Variants in CALN1 observed in about 807,000 individuals in gnomAD.
The protein encoded by CALN1 is calcium-binding protein 8.
A neutral mutation model predicts 30.6 loss-of-function variants in CALN1; 17 were observed. The observed-to-expected ratio is 0.56, with a 90% confidence interval of 0.38 to 0.83. The LOEUF is 0.83. CALN1 is among the 40% of genes least tolerant of loss of function. CALN1 has a pLI of 0.00. For missense variants in CALN1, 291 were observed against 354.9 expected (o/e 0.82, Z 1.45); for synonymous variants, 156 against 131.4 (o/e 1.19, Z -1.28).
intron 3 of CALN1, among the ~76,000 whole-genome samples, chr7:72,208,026 G>A (rs1242761443): frequency 6.6e-6 from 1 of 152,162 alleles, no homozygotes; most frequent in Non-Finnish European, 1.5e-5. Context: ...AGAAGATCAT[G>A]ACAGTTGCCT....
intron 5 of CALN1, among the ~76,000 whole-genome samples, chr7:71,884,473 G>A (rs996830497): frequency 6.6e-6 from 1 of 151,694 alleles, no homozygotes; most frequent in Non-Finnish European, 1.5e-5. Context: ...CCTGAGGCTG[G>A]GGGCGATGAT....
chr7:71,925,918 A>G (rs1795247006), intron 5 of CALN1, among the ~76,000 whole-genome samples: 1 of 152,072 alleles, frequency 6.6e-6, no homozygotes, highest in African/African-American at 2.4e-5. Flanking sequence ...CAGTGGCGCA[A>G]TCTCAGCTAA....
chr7:71,927,269 G>C (rs1795317899), intron 5 of CALN1, among the ~76,000 whole-genome samples: 3 of 152,126 alleles, frequency 2.0e-5, no homozygotes, highest in Non-Finnish European at 4.4e-5. Flanking sequence ...GAGTGCAGTG[G>C]TGCAATCTCA....
intron 4 of CALN1, among the ~76,000 whole-genome samples, chr7:72,029,943 A>T (rs975441805): frequency 6.6e-6 from 1 of 152,234 alleles, no homozygotes; most frequent in Non-Finnish European, 1.5e-5. Context: ...GTGGACTTTG[A>T]AATGGTGTCC....
At chr7:71,842,058 G>A (rs1317315314) in intron 5 of CALN1, among the ~76,000 whole-genome samples, 8 of 151,878 alleles carry the variant, frequency 5.3e-5, no homozygotes, top group African/African-American at 1.5e-4. Flanking sequence ...TCAAGGGTCC[G>A]TGCCAGTTTG....
At chr7:72,291,583 A>T (rs1267046209) in intron 2 of CALN1, among the ~76,000 whole-genome samples, 2 of 152,350 alleles carry the variant, frequency 1.3e-5, no homozygotes, top group Middle Eastern at 3.4e-3. Flanking sequence ...TTGTCACTGT[A>T]GCCTTTCTCT....
At chr7:72,366,996 T>C (rs1241513363) in intron 2 of CALN1, among the ~76,000 whole-genome samples, 4 of 151,970 alleles carry the variant, frequency 2.6e-5, no homozygotes, top group East Asian at 3.9e-4. Context: ...ACCACAACAA[T>C]AGTGAATAAA....
intron 5 of CALN1, among the ~76,000 whole-genome samples, chr7:72,016,703 C>T (rs1045112261): frequency 6.6e-6 from 1 of 151,886 alleles, no homozygotes; most frequent in Admixed American, 6.6e-5. Context: ...AGGTATGAGC[C>T]ACTGTGCCAG....
chr7:72,418,113 C>T (rs924027923), intron 1 of CALN1, among the ~76,000 whole-genome samples: 9 of 152,166 alleles, frequency 5.9e-5, no homozygotes, highest in Non-Finnish European at 1.3e-4. Flanking sequence ...CTTTGCCCCC[C>T]TCCCCCTCTT....
intron 3 of CALN1, among the ~76,000 whole-genome samples, chr7:72,213,902 C>G (rs1189906721): frequency 2.6e-5 from 4 of 152,160 alleles, no homozygotes; most frequent in African/African-American, 9.7e-5. Context: ...AAGTGAGAGA[C>G]CAGGGCTACG....
chr7:72,115,732 C>T (rs1287962040), intron 3 of CALN1, among the ~76,000 whole-genome samples: 7 of 151,874 alleles, frequency 4.6e-5, no homozygotes, highest in Admixed American at 2.6e-4. Context: ...GTGATCTGCC[C>T]GCCTCAGCCT....
intron 5 of CALN1, among the ~76,000 whole-genome samples, chr7:71,947,357 G>C (rs972170602): frequency 2.0e-5 from 3 of 152,074 alleles, no homozygotes; most frequent in Admixed American, 1.3e-4. Flanking sequence ...ACCACATCAT[G>C]AACTAAGGCA....
rs547294842 is a variant in CALN1 at position 71,934,522 on chromosome 7, G to A, written c.501+89135C>T. 2.5e-4 allele frequency among the ~76,000 whole-genome samples: 38 copies of A among 152,284 alleles called. 1 individual carries two copies. The highest frequency in any genetic ancestry group is 1.8e-3 in the Admixed American group (27 of 15,300). On this transcript the variant is annotated intron_variant, in intron 5 of 6. Transcript: ENST00000395275. The stretch of plus-strand genomic sequence containing the variant: ...GGTAGAAGGCAAAGGGGGAACAGGT[G>A]TGCCACGTGACAAGAAAGGGAGCAA...
At chr7:71,813,496 T>TAC (rs1788082575) in intron 5 of CALN1, among the ~76,000 whole-genome samples, 2 of 152,214 alleles carry the variant, frequency 1.3e-5, no homozygotes, top group East Asian at 3.8e-4. Context: ...GAGAGAGGTA[T>TAC]GTCTCAAAAA....
At chr7:72,487,826 AAG>A in the CALN1 span, among the ~76,000 whole-genome samples, 2 of 138,442 alleles carry the variant, frequency 1.4e-5, no homozygotes, top group African/African-American at 5.6e-5. Context: ...GAAAGAGAAA[AAG>A]AAAGAAAGAG....
chr7:72,121,345 TTATA>T (rs1808376756), intron 3 of CALN1, among the ~76,000 whole-genome samples: 1 of 144,812 alleles, frequency 6.9e-6, no homozygotes, highest in Non-Finnish European at 1.5e-5. Context: ...ATAAATTATA[TTATA>T]TAATTATGCA....
chr7:72,441,555 A>T (rs186293316), intron 1 of CALN1, among the ~76,000 whole-genome samples: 1 of 141,060 alleles, frequency 7.1e-6, no homozygotes, highest in Non-Finnish European at 1.5e-5. Flanking sequence ...CCAAGATTGC[A>T]CCATTGCACT....
chr7:72,336,627 G>A (rs1003278939), intron 2 of CALN1: 7 of 939,246 alleles, frequency 7.5e-6, no homozygotes, highest in African/African-American at 3.5e-5. Context: ...GGACACCCTA[G>A]AGAGAAGCGA....
intron 5 of CALN1, among the ~76,000 whole-genome samples, chr7:71,972,000 A>AAAGAGAAAGG (rs1562946876): frequency 8.2e-5 from 12 of 147,014 alleles, no homozygotes; most frequent in African/African-American, 3.0e-4. Context: ...AAAGAGAAAG[A>AAAGAGAAAGG]AAGAAAAAAA....
Sources: allele counts gnomAD v4.1 joint callset (sites outside exome capture counted in the v4.1 genomes callset), GRCh38; gene constraint gnomAD v4.1.1; transcripts MANE v1.5; gene names NCBI Gene and HGNC (gene_info 2026-07-23, HGNC 2026-07-21).